The following OTUD7B variants were observed in gnomAD, a reference collection of about 807,000 sequenced individuals.
OTUD7B encodes the protein OTU deubiquitinase 7B, also known as OTU domain-containing protein 7B.
A neutral mutation model predicts 82.2 loss-of-function variants in OTUD7B; 34 were observed. That is an observed-to-expected ratio of 0.41 (90% CI 0.31 to 0.55). The LOEUF (loss-of-function observed/expected upper bound fraction) is 0.55. Ranked by LOEUF, OTUD7B falls within the 20% of genes least tolerant of loss-of-function variation. OTUD7B has a pLI of 0.20. For synonymous variants in OTUD7B, 398 were observed against 402.7 expected (o/e 0.99, Z 0.14); for missense variants, 944 against 1,062.1 (o/e 0.89, Z 1.55).
At chr1:149,946,983 G>A (rs1393454470) in intron 11 of OTUD7B, among the ~76,000 whole-genome samples, 1 of 152,164 alleles carries the variant, frequency 6.6e-6, no homozygotes, top group African/African-American at 2.4e-5. Context: ...AACCCAGGAG[G>A]CGGAGGTTGC....
At chr1:150,025,882 C>G in the OTUD7B span, among the ~76,000 whole-genome samples, 7,567 of 152,260 alleles carry the variant, frequency 0.05, 665 homozygotes, top group African/African-American at 0.17. Context: ...GTCAGGTGCT[C>G]TGTTCATACT....
chr1:150,062,121 C>T, the OTUD7B span, among the ~76,000 whole-genome samples: 7 of 152,148 alleles, frequency 4.6e-5, no homozygotes, highest in East Asian at 1.3e-3. Flanking sequence ...GCACATATGG[C>T]CCTTTCACGG....
At chr1:149,983,231 G>A (rs1304065013) in intron 1 of OTUD7B, among the ~76,000 whole-genome samples, 2 of 152,092 alleles carry the variant, frequency 1.3e-5, no homozygotes, top group East Asian at 1.9e-4. Context: ...TTCAACAGAA[G>A]TATTTGGAGT....
At position 149,996,883 on chromosome 1, in the gene OTUD7B, GT is replaced by G. The variant is rs781859891; in HGVS notation, c.-67+13564del. Among the ~76,000 whole-genome samples the G allele has an allele frequency of 2.0e-5, 3 of 152,158 alleles. No homozygotes were observed. The South Asian group carries it at 6.2e-4, about 32-fold the overall frequency. ...TGGAAGAAGCCAAGCATTAGAAGATGTTTATTACTATCATCATGGGCCATAC... is the reference window on the plus strand; with the variant it reads ...TGGAAGAAGCCAAGCATTAGAAGATGTTATTACTATCATCATGGGCCATAC... On this transcript the variant is annotated intron_variant, in intron 1 of 11. Coordinates refer to ENST00000581312, the MANE Select transcript of OTUD7B (RefSeq NM_020205.4).
At chr1:150,003,652 T>C (rs1553785485) in intron 1 of OTUD7B, among the ~76,000 whole-genome samples, 2 of 152,192 alleles carry the variant, frequency 1.3e-5, no homozygotes, top group African/African-American at 2.4e-5. Flanking sequence ...CGTGGGTTCC[T>C]TGTCTCCCTT....
the OTUD7B span, among the ~76,000 whole-genome samples, chr1:150,024,293 C>G: frequency 9.2e-5 from 14 of 152,106 alleles, no homozygotes. Context: ...ATAATAATGT[C>G]AAGGTAACAG....
intron 1 of OTUD7B, 125 bp from the exon 2 acceptor site, chr1:149,977,701 A>C (rs1210214711): frequency 2.9e-5 from 16 of 543,644 alleles, no homozygotes; most frequent in Middle Eastern, 4.5e-4. Flanking sequence ...TTGAATTTTA[A>C]AATACAGCAC....
At chr1:150,034,275 T>C in the OTUD7B span, among the ~76,000 whole-genome samples, 1 of 152,212 alleles carries the variant, frequency 6.6e-6, no homozygotes, top group Non-Finnish European at 1.5e-5. Context: ...ATTAAAGGTA[T>C]TGGGATCAAT....
At chr1:149,968,296 C>T (rs1649664758) in intron 3 of OTUD7B, among the ~76,000 whole-genome samples, 1 of 148,454 alleles carries the variant, frequency 6.7e-6, no homozygotes, top group African/African-American at 2.5e-5. Context: ...AACAACAAAT[C>T]TTACACATTT....
At position 149,943,275 on chromosome 1, in the gene OTUD7B, C is replaced by CA. The variant is rs2101708428; in HGVS notation, c.*581dup. 6.5e-6 allele frequency: 1 copy of CA among 153,006 alleles called. No individual in the cohort carries two copies. The highest frequency in any genetic ancestry group is 2.1e-4 in the South Asian group (1 of 4,832). 9.5% of individuals were successfully genotyped at this position (153,006 alleles called of 1,614,324 possible). A position where few individuals can be genotyped will look rare whatever the true frequency, so the allele number is the denominator to read the frequency against. On this transcript the variant is annotated 3_prime_UTR_variant, in exon 12 of 12. Coordinates refer to ENST00000581312, the MANE Select transcript of OTUD7B (RefSeq NM_020205.4). ...TAAACAAACGGATTTAAACTACCCC[C>CA]ACCTCCTAACAGGCACCCATGAGGA...
chr1:150,066,400 G>A, the OTUD7B span, among the ~76,000 whole-genome samples: 2 of 147,418 alleles, frequency 1.4e-5, no homozygotes, highest in Admixed American at 6.9e-5. This position sits in a 1 kb window ranked among gnomAD's most constrained non-coding sequence, Gnocchi z 4.6. Context: ...ATGCCTAAAG[G>A]GAAGCTTTAT....
chr1:149,968,529 A>C (rs1236135924), intron 3 of OTUD7B, among the ~76,000 whole-genome samples: 1 of 152,186 alleles, frequency 6.6e-6, no homozygotes, highest in African/African-American at 2.4e-5. Flanking sequence ...TCAATGTAGT[A>C]TTACAGTTCA....
At chr1:149,979,687 GTCAAAT>G (rs1408475592) in intron 1 of OTUD7B, among the ~76,000 whole-genome samples, 1 of 151,998 alleles carries the variant, frequency 6.6e-6, no homozygotes, top group Non-Finnish European at 1.5e-5. Flanking sequence ...AAATTCAAAT[GTCAAAT>G]TCAAATTCAA....
intron 1 of OTUD7B, among the ~76,000 whole-genome samples, chr1:149,997,243 C>T (rs587631219): frequency 1.0e-3 from 158 of 152,280 alleles, no homozygotes; most frequent in African/African-American, 3.6e-3. Flanking sequence ...GAACGAGTCA[C>T]ATCTTAAATA....
the OTUD7B span, among the ~76,000 whole-genome samples, chr1:150,055,213 A>AT: frequency 6.6e-6 from 1 of 151,316 alleles, no homozygotes; most frequent in South Asian, 2.1e-4. Flanking sequence ...AATTTTTTGT[A>AT]TTTTTTAGTA....
the OTUD7B span, chr1:150,053,967 A>G: frequency 2.5e-6 from 1 of 396,220 alleles, no homozygotes; most frequent in East Asian, 4.8e-5. Flanking sequence ...CTCAAGGCTA[A>G]GAAGCCCAAG....
chr1:149,986,494 A>G (rs1362316560), intron 1 of OTUD7B, among the ~76,000 whole-genome samples: 2 of 152,222 alleles, frequency 1.3e-5, no homozygotes, highest in Non-Finnish European at 2.9e-5. Flanking sequence ...ACCATGGATA[A>G]TAACCCTCTA....
chr1:149,996,080 A>T (rs1179170908), intron 1 of OTUD7B, among the ~76,000 whole-genome samples: 1 of 152,266 alleles, frequency 6.6e-6, no homozygotes, highest in Non-Finnish European at 1.5e-5. Flanking sequence ...GCATGACCAC[A>T]TTACAATGTT....
the OTUD7B span, among the ~76,000 whole-genome samples, chr1:150,041,251 T>C: frequency 9.2e-5 from 14 of 152,204 alleles, no homozygotes; most frequent in African/African-American, 2.2e-4. Context: ...TAAGGTAATA[T>C]GCAATACATT....
Sources: gnomAD v4.1 joint callset for allele counts (sites outside exome capture counted in the v4.1 genomes callset) on GRCh38, gnomAD v4.1.1 for gene constraint, Gnocchi (gnomAD v3.1) non-coding constraint, MANE v1.5 for transcripts, NCBI Gene and HGNC (gene_info 2026-07-23, HGNC 2026-07-21) for gene names.